The following CDK19 variants were observed in gnomAD, a reference collection of about 807,000 sequenced individuals.
The protein encoded by CDK19 is cyclin dependent kinase 19, also known as cyclin-dependent kinase 19.
A neutral mutation model predicts 68.3 loss-of-function variants in CDK19; 20 were observed. The observed-to-expected ratio is 0.29, with a 90% CI of 0.21 to 0.43. The LOEUF is 0.43. CDK19 is among the 20% of genes least tolerant of loss of function. CDK19 has a pLI of 1.00. For missense variants in CDK19, 339 were observed against 623.5 expected, an observed-to-expected ratio of 0.54 and a Z score of 4.86; for synonymous variants, 221 against 222.8, an observed-to-expected ratio of 0.99 and a Z score of 0.07.
intron 2 of CDK19, among the ~76,000 whole-genome samples, chr6:110,715,628 A>G (rs1775328268): frequency 6.6e-6 from 1 of 152,138 alleles, no homozygotes; most frequent in African/African-American, 2.4e-5. Context: ...CTTGAGATAC[A>G]GGCGTGCGCC....
At position 110,651,295 on chromosome 6, in the gene CDK19, TCTAA is replaced by T. The variant is rs778069601; in HGVS notation, c.457-12593_457-12590del. ...TAACACCTATTTATGTATCTGTCTGTCTAACTATCTTCCTCCTGCCCAATTTCTG... is the reference window on the plus strand; with the variant it reads ...TAACACCTATTTATGTATCTGTCTGTCTATCTTCCTCCTGCCCAATTTCTG... On this transcript the variant is annotated intron_variant, in intron 4 of 12. Transcript: ENST00000368911. Among the ~76,000 whole-genome samples the T allele has an allele frequency of 1.6e-4, 24 of 151,866 alleles. No individual in the cohort carries two copies. The South Asian group carries it at 3.1e-3, about 20-fold the overall frequency.
At position 110,621,328 on chromosome 6, in the gene CDK19, G is replaced by A. The variant is rs1469838359; in HGVS notation, c.1153C>T (p.Pro385Ser). ...QQNQHQQPTAPPQQAAAPPQA... is the reference protein window; with the variant it reads ...QQNQHQQPTASPQQAAAPPQA... ...GGAGGGGCTGCTGCCTGCTGTGGAGGGGCTGTGGGCTGCTGATGCTGGTTC... is the reference window on the plus strand; with the variant it reads ...GGAGGGGCTGCTGCCTGCTGTGGAGAGGCTGTGGGCTGCTGATGCTGGTTC... The change falls in exon 12 of 13, where the codon CCT (proline) becomes TCT (serine). Residue 385 changes from proline (P) to serine (S), a missense_variant. By Grantham distance (74) the Pro-to-Ser change is moderately conservative. This residue lies in a region of CDK19 where 155 missense variants were observed against 222.7 expected (regional missense o/e 0.70). Coordinates refer to ENST00000368911, the MANE Select transcript of CDK19 (RefSeq NM_015076.5). The surrounding 1 kb of genome is among the most constrained non-coding windows in gnomAD (Gnocchi z 5.4). The A allele has an allele frequency of 3.8e-6, 6 of 1,583,476 alleles. No homozygotes were observed. The highest frequency in any genetic ancestry group is 1.4e-5 in the African/African-American group (1 of 73,826).
chr6:110,715,416 G>C (rs560670090), intron 2 of CDK19, among the ~76,000 whole-genome samples: 11 of 152,150 alleles, frequency 7.2e-5, no homozygotes, highest in Non-Finnish European at 1.5e-4. Context: ...TTAAGAATCA[G>C]ACAGAAAATG....
chr6:110,792,109 T>C (rs1781637185), intron 1 of CDK19, among the ~76,000 whole-genome samples: 1 of 151,714 alleles, frequency 6.6e-6, no homozygotes, highest in Non-Finnish European at 1.5e-5. Flanking sequence ...TAGCTGGGAC[T>C]ATAGGCACGT....
At chr6:110,792,182 G>T (rs1015058180) in intron 1 of CDK19, among the ~76,000 whole-genome samples, 2 of 150,944 alleles carry the variant, frequency 1.3e-5, no homozygotes, top group Admixed American at 1.3e-4. Flanking sequence ...TGTTGGCCAG[G>T]ATGGTCTCGA....
At chr6:110,764,160 T>C (rs944689775) in intron 1 of CDK19, among the ~76,000 whole-genome samples, 1 of 152,212 alleles carries the variant, frequency 6.6e-6, no homozygotes, top group African/African-American at 2.4e-5. Context: ...GACTCAATAT[T>C]GTCAAGAGCT....
At chr6:110,786,782 C>T (rs1781258427) in intron 1 of CDK19, among the ~76,000 whole-genome samples, 1 of 152,048 alleles carries the variant, frequency 6.6e-6, no homozygotes, top group South Asian at 2.1e-4. Flanking sequence ...AAGGTACTTC[C>T]TTAGGGAACA....
intron 3 of CDK19, among the ~76,000 whole-genome samples, chr6:110,668,243 C>A (rs1460304201): frequency 6.6e-6 from 1 of 152,178 alleles, no homozygotes; most frequent in Non-Finnish European, 1.5e-5. Flanking sequence ...CCACCTCCAT[C>A]CCTACCCCAC....
intron 5 of CDK19, among the ~76,000 whole-genome samples, chr6:110,638,062 T>A (rs1338422129): frequency 6.6e-6 from 1 of 152,200 alleles, no homozygotes; most frequent in Non-Finnish European, 1.5e-5. Flanking sequence ...TGCTGATTTT[T>A]TTTTTTAGAA....
intron 2 of CDK19, among the ~76,000 whole-genome samples, chr6:110,671,879 G>A (rs926138388): frequency 2.6e-5 from 4 of 152,134 alleles, no homozygotes; most frequent in Non-Finnish European, 4.4e-5. Context: ...CAAGGTTCAA[G>A]CAATTCTCCT....
chr6:110,683,171 C>T (rs1457191998), intron 2 of CDK19, among the ~76,000 whole-genome samples: 1 of 120,610 alleles, frequency 8.3e-6, no homozygotes, highest in African/African-American at 3.3e-5. Context: ...GCAAGACTGT[C>T]TCCAAAAAAA....
At chr6:110,623,732 T>A (rs2462488) in intron 8 of CDK19, among the ~76,000 whole-genome samples, 1 of 140,744 alleles carries the variant, frequency 7.1e-6, no homozygotes, top group Non-Finnish European at 1.5e-5. Flanking sequence ...CTTTTAGTAA[T>A]GGCCAATATA....
At chr6:110,755,567 G>A (rs1778781425) in intron 1 of CDK19, among the ~76,000 whole-genome samples, 1 of 152,058 alleles carries the variant, frequency 6.6e-6, no homozygotes, top group Non-Finnish European at 1.5e-5. Flanking sequence ...AAAGGACAGG[G>A]CCTTATAGAC....
Position 110,760,396 on chromosome 6 carries a change from C to CAAA in CDK19, c.129-14198_129-14196dup, listed in dbSNP as rs34613571. ...TGGGCCACAGAGCAAGGCTTTGTCTCAAAAAAAAAAAAAAAAAAAAAAAAA... is the reference window on the plus strand; with the variant it reads ...TGGGCCACAGAGCAAGGCTTTGTCTCAAAAAAAAAAAAAAAAAAAAAAAAAAAA... On this transcript the variant is annotated intron_variant, in intron 1 of 12. Coordinates refer to ENST00000368911, the MANE Select transcript of CDK19 (RefSeq NM_015076.5). Among the ~76,000 whole-genome samples the CAAA allele has an allele frequency of 4.0e-3, 159 of 39,564 alleles. 2 individuals are homozygous for CAAA. The highest frequency in any genetic ancestry group is 5.0e-3 in the Admixed American group (14 of 2,806). The allele number at this position is 39,564 out of a possible 152,430, so 26.0% of individuals were successfully genotyped here.
chr6:110,664,057 A>T (rs1168128538), intron 4 of CDK19, among the ~76,000 whole-genome samples: 1 of 152,172 alleles, frequency 6.6e-6, no homozygotes, highest in Non-Finnish European at 1.5e-5. Flanking sequence ...TACTTAAACA[A>T]ACAAAAAGAC....
At chr6:110,617,651 T>TTATATATA (rs1164239935) in intron 12 of CDK19, among the ~76,000 whole-genome samples, 46 of 98,834 alleles carry the variant, frequency 4.7e-4, no homozygotes, top group African/African-American at 2.1e-3. Flanking sequence ...ATAAAATTAT[T>TTATATATA]TATATATATA....
intron 4 of CDK19, among the ~76,000 whole-genome samples, chr6:110,644,330 A>G (rs901307535): frequency 1.3e-5 from 2 of 151,770 alleles, no homozygotes; most frequent in Admixed American, 6.6e-5. Flanking sequence ...CTTTATGGAG[A>G]TAGAGAGTAG....
chr6:110,684,033 T>A (rs945033220), intron 2 of CDK19, among the ~76,000 whole-genome samples: 1 of 151,940 alleles, frequency 6.6e-6, no homozygotes, highest in Admixed American at 6.6e-5. Context: ...ACATATCCCA[T>A]GAGAAAATTG....
intron 2 of CDK19, among the ~76,000 whole-genome samples, chr6:110,729,470 C>A (rs1241433276): frequency 6.6e-6 from 1 of 152,172 alleles, no homozygotes; most frequent in Non-Finnish European, 1.5e-5. Context: ...GCTCTGCCAG[C>A]CAGGCTGTAG....
Sources: gnomAD v4.1 joint callset for allele counts (sites outside exome capture counted in the v4.1 genomes callset) on GRCh38, gnomAD v4.1.1 for gene constraint, gnomAD v4.1.1 regional missense constraint, Gnocchi (gnomAD v3.1) non-coding constraint, MANE v1.5 for transcripts, NCBI Gene and HGNC (gene_info 2026-07-23, HGNC 2026-07-21) for gene names.